EPHB2: variants seen among roughly 807,000 people sequenced by gnomAD.
EPHB2 encodes the protein ephrin type-B receptor 2.
A neutral mutation model predicts 96.4 loss-of-function variants in EPHB2; 18 were observed. That is an observed-to-expected ratio of 0.19 (90% CI 0.13 to 0.28). The LOEUF (loss-of-function observed/expected upper bound fraction) is 0.28, where lower values mean the gene tolerates loss of function less well. EPHB2 is among the 10% of genes least tolerant of loss of function. The pLI is 1.00. For synonymous variants in EPHB2, 506 were observed against 534.1 expected (o/e 0.95, Z 0.72); for missense variants, 989 against 1,355.4 (o/e 0.73, Z 4.25).
In EPHB2 at chr1:22,864,897, G is replaced by A. The variant is rs142890560; in HGVS notation, c.988G>A (p.Ala330Thr). ...PCTTIPSAPQ[A>T]VISSVNETSL... ...CCCAGCCATCCCCTCCGCGCCCCAG[G>A]CTGTGATTTCCAGTGTCAATGAGAC... is the stretch of plus-strand genomic sequence containing the variant. Residue 330 changes from alanine to threonine, a missense_variant, in exon 5 of 16, where the codon GCT becomes ACT. By Grantham distance (58) the Ala-to-Thr change is moderately conservative. Transcript: ENST00000374630. The A allele has an allele frequency of 1.2e-5, 19 of 1,608,188 alleles. No individual in the cohort carries two copies. In the African/African-American group the frequency reaches 2.0e-4, roughly 17 times the overall value.
intron 3 of EPHB2, among the ~76,000 whole-genome samples, chr1:22,812,830 G>A (rs1645022184): frequency 6.6e-6 from 1 of 152,180 alleles, no homozygotes; most frequent in South Asian, 2.1e-4. Flanking sequence ...TCTGAGGCTG[G>A]CAGGAGTTTG....
intron 6 of EPHB2, 165 bp downstream of exon 6, chr1:22,882,648 C>T: frequency 9.3e-7 from 1 of 1,075,534 alleles, no homozygotes; most frequent in Non-Finnish European, 1.3e-6. Flanking sequence ...CAGCTCCGCT[C>T]CTTCCCACTG....
At chr1:22,847,695 T>C (rs1645563832) in intron 3 of EPHB2, among the ~76,000 whole-genome samples, 1 of 152,112 alleles carries the variant, frequency 6.6e-6, no homozygotes, top group Non-Finnish European at 1.5e-5. Context: ...GCTTCCCTGC[T>C]CTTGGAAAAT....
chr1:22,775,054 G>T, intron 1 of EPHB2: 1 of 673,990 alleles, frequency 1.5e-6, no homozygotes, highest in South Asian at 1.7e-5. Context: ...CCCTCCTCCT[G>T]CCCCTTGCTA....
chr1:22,841,664 G>T (rs1209632709), intron 3 of EPHB2, among the ~76,000 whole-genome samples: 1 of 152,170 alleles, frequency 6.6e-6, no homozygotes, highest in Non-Finnish European at 1.5e-5. Flanking sequence ...TGTCAGGCTG[G>T]TTTCGGGGGT....
Position 22,733,307 on chromosome 1 carries a change from C to T in EPHB2, c.61+22264C>T, listed in dbSNP as rs956230645. 8.5e-5 allele frequency among the ~76,000 whole-genome samples: 13 copies of T among 152,130 alleles called. No homozygotes were observed. The highest frequency in any genetic ancestry group is 2.0e-4 in the Admixed American group (3 of 15,280). ...CAGGTGATTTGCCCACCTCAGCCTTCCAAAGTGCTGGGATTGCAGGCGTGA... is the reference window on the plus strand; with the variant it reads ...CAGGTGATTTGCCCACCTCAGCCTTTCAAAGTGCTGGGATTGCAGGCGTGA... On this transcript the variant is annotated intron_variant, in intron 1 of 15. Transcript: ENST00000374630. The surrounding 1 kb of genome is among the most constrained non-coding windows in gnomAD (Gnocchi z 4.6).
chr1:22,808,955 G>A lies in EPHB2; in HGVS notation c.811+23879G>A, dbSNP rs563992509. 1.2e-3 allele frequency among the ~76,000 whole-genome samples: 181 copies of A among 152,366 alleles called. 1 individual carries two copies. The highest frequency in any genetic ancestry group is 4.1e-3 in the African/African-American group (172 of 41,586). Reference sequence around the variant, plus strand: ...AGCTGGCCACCCTGCGGGCTGCTGGGCATCCTGCCTTGCTATAAGGCCTTG... The same window carrying A: ...AGCTGGCCACCCTGCGGGCTGCTGGACATCCTGCCTTGCTATAAGGCCTTG... On this transcript the variant is annotated intron_variant, in intron 3 of 15. Transcript: ENST00000374630.
At chr1:22,736,102 G>T (rs1453041785) in intron 1 of EPHB2, among the ~76,000 whole-genome samples, 1 of 152,178 alleles carries the variant, frequency 6.6e-6, no homozygotes, top group Admixed American at 6.5e-5. Flanking sequence ...TGGCCCAAAG[G>T]TAGTGCTCAA....
In EPHB2 at chr1:22,913,426, G is replaced by T; in HGVS notation, c.2853-36G>T. The T allele has an allele frequency of 1.2e-6, 2 of 1,610,996 alleles. No homozygotes were observed. The highest frequency in any genetic ancestry group is 1.7e-6 in the Non-Finnish European group (2 of 1,178,654). On this transcript the variant is annotated intron_variant, in intron 15 of 15. Coordinates refer to ENST00000374630, the MANE Select transcript of EPHB2 (RefSeq NM_017449.5). The surrounding 1 kb of genome is among the most constrained non-coding windows in gnomAD (Gnocchi z 4.1). ...TACCAGGCACAGGACCCCTTCACCC[G>T]CATATTTCCCTAACACACGTGCTTC... is the stretch of plus-strand genomic sequence containing the variant.
In EPHB2 at chr1:22,903,876, TCA is replaced by T. The variant is rs1404288967; in HGVS notation, c.1766-2108_1766-2107del. 2.0e-5 allele frequency among the ~76,000 whole-genome samples: 3 copies of T among 152,200 alleles called. 1 individual carries two copies. The highest frequency in any genetic ancestry group is 7.2e-5 in the African/African-American group (3 of 41,452). Reference sequence around the variant, plus strand: ...GTGTCCATTTCCTCCTCCCAGGCACTCACAGTCTTGGATGGTGGTTCTTAACC... The same window carrying T: ...GTGTCCATTTCCTCCTCCCAGGCACTCAGTCTTGGATGGTGGTTCTTAACC... On this transcript the variant is annotated intron_variant, in intron 9 of 15. Transcript: ENST00000374630.
intron 6 of EPHB2, among the ~76,000 whole-genome samples, chr1:22,887,430 G>A (rs910655824): frequency 6.6e-5 from 10 of 152,150 alleles, no homozygotes; most frequent in South Asian, 4.1e-4. Context: ...ACTGAGCCCT[G>A]CAGGCCTGTG....
chr1:22,768,830 C>T lies in EPHB2; in HGVS notation c.62-12591C>T, dbSNP rs533230265. 1.1e-4 allele frequency among the ~76,000 whole-genome samples: 17 copies of T among 152,114 alleles called. No homozygotes were observed. The East Asian group carries it at 1.7e-3, about 16-fold the overall frequency. On this transcript the variant is annotated intron_variant, in intron 1 of 15. Coordinates refer to ENST00000374630, the MANE Select transcript of EPHB2 (RefSeq NM_017449.5). ...CTTTGTACAAGCTGTTCTTTCTGCC[C>T]GAGACACCTTTTCCCCTTCTCCTGG...
intron 3 of EPHB2, among the ~76,000 whole-genome samples, chr1:22,815,298 A>T (rs1164861496): frequency 6.6e-6 from 1 of 152,176 alleles, no homozygotes; most frequent in Non-Finnish European, 1.5e-5. Context: ...GCTGGGTTTG[A>T]GTCCCAAAGT....
intron 9 of EPHB2, 148 bp downstream of exon 9, chr1:22,896,626 C>A: frequency 1.0e-6 from 1 of 999,044 alleles, no homozygotes; most frequent in Non-Finnish European, 1.5e-6. Flanking sequence ...TCACTCTCAC[C>A]TCTAGGCCTT....
intron 3 of EPHB2, among the ~76,000 whole-genome samples, chr1:22,857,721 G>T (rs991250230): frequency 1.3e-5 from 2 of 152,082 alleles, no homozygotes; most frequent in Admixed American, 1.3e-4. Context: ...TGACTCTGGT[G>T]GTACCCAGAC....
At chr1:22,718,385 T>G (rs1440336161) in intron 1 of EPHB2, among the ~76,000 whole-genome samples, 2 of 141,764 alleles carry the variant, frequency 1.4e-5, no homozygotes, top group Non-Finnish European at 3.0e-5. Flanking sequence ...AATTCTTTTT[T>G]TTTTTTTTTT....
At chr1:22,877,486 C>A (rs1162971804) in intron 5 of EPHB2, among the ~76,000 whole-genome samples, 1 of 152,178 alleles carries the variant, frequency 6.6e-6, no homozygotes, top group Non-Finnish European at 1.5e-5. Context: ...CCTACTAGTC[C>A]TTCTGTGGCT....
At chr1:22,881,049 G>C (rs1008026933) in intron 5 of EPHB2, among the ~76,000 whole-genome samples, 5 of 152,088 alleles carry the variant, frequency 3.3e-5, no homozygotes, top group Admixed American at 3.3e-4. Context: ...ATGCAGGAGG[G>C]GATCACTTAA....
chr1:22,775,181 C>G, intron 1 of EPHB2: 1 of 779,718 alleles, frequency 1.3e-6, no homozygotes. Flanking sequence ...TTAAAAATAA[C>G]ACAGTTGTGA....
Sources: allele counts gnomAD v4.1 joint callset (sites outside exome capture counted in the v4.1 genomes callset), GRCh38; gene constraint gnomAD v4.1.1; non-coding constraint Gnocchi (gnomAD v3.1); transcripts MANE v1.5; gene names NCBI Gene and HGNC (gene_info 2026-07-23, HGNC 2026-07-21).